Variants in LDB1 observed in about 807,000 individuals in gnomAD.
The protein encoded by LDB1 is LIM domain binding 1, also known as LIM domain-binding protein 1.
Under a neutral mutation model 49.7 loss-of-function variants are expected in LDB1, and 6 were observed. That is an observed-to-expected ratio of 0.12 (90% CI 0.07 to 0.24). The LOEUF (loss-of-function observed/expected upper bound fraction) is 0.24, where lower values mean the gene tolerates loss of function less well. Ranked by LOEUF, LDB1 falls within the 10% of genes least tolerant of loss-of-function variation. The pLI is 1.00. For synonymous variants in LDB1, 233 were observed against 202.0 expected (o/e 1.15, Z -1.30); for missense variants, 341 against 561.7 (o/e 0.61, Z 3.97).
At chr10:102,120,616 C>A (rs1030545935), upstream of LDB1, among the ~76,000 whole-genome samples, 1 of 151,772 alleles carries the variant, frequency 6.6e-6, no homozygotes, top group African/African-American at 2.4e-5. Flanking sequence ...GCGCGGCGGG[C>A]GGGCGGCGAG....
chr10:102,118,396 G>A (rs1403480057), intron 1 of LDB1, among the ~76,000 whole-genome samples: 1 of 152,018 alleles, frequency 6.6e-6, no homozygotes, highest in Non-Finnish European at 1.5e-5. Flanking sequence ...TGCCTTCTGG[G>A]GCATTGACTG....
downstream of LDB1, among the ~76,000 whole-genome samples, chr10:102,105,335 C>G (rs554083437): frequency 6.6e-6 from 1 of 152,244 alleles, no homozygotes; most frequent in African/African-American, 2.4e-5. Flanking sequence ...CAGCAGGGCA[C>G]GGCCAAGATA....
chr10:102,114,620 A>C, intron 1 of LDB1: 1 of 983,326 alleles, frequency 1.0e-6, no homozygotes. Context: ...CCCGGGGGAA[A>C]GTTACAATGG....
rs2786842 is a variant in LDB1, at chr10:102,113,710, G to A, written c.26-2174C>T. 3.3e-3 allele frequency among the ~76,000 whole-genome samples: 490 copies of A among 146,600 alleles called. 2 individuals carry two copies. Among genetic ancestry groups the A allele is most frequent in the African/African-American group, 0.011 (453 of 39,402 alleles). On this transcript the variant is annotated intron_variant, in intron 1 of 10. Coordinates refer to ENST00000673968, the MANE Select transcript of LDB1 (RefSeq NM_001113407.3). ...GGCCACTTGAAATGTGTTAGCTCAA[G>A]AACCTGAAGAGACAGGAGGCAGGAC...
At chr10:102,105,906 A>T (rs1371347977), downstream of LDB1, among the ~76,000 whole-genome samples, 4 of 152,006 alleles carry the variant, frequency 2.6e-5, no homozygotes, top group Admixed American at 1.3e-4. Flanking sequence ...GAACCCAGGA[A>T]GTGGAGGTTG....
rs1362056887 is a variant in LDB1, at chr10:102,107,922, TG to T, written c.*170del. On this transcript the variant is annotated 3_prime_UTR_variant, in exon 11 of 11. Transcript: ENST00000673968. ...GAGGCCAGGCCCAGCCCAGGGCCAC[TG>T]GGGGGGCAAATCTTGGCACCTGCCC... The T allele has an allele frequency of 9.1e-6, 6 of 662,088 alleles. No individual in the cohort carries two copies. The highest frequency in any genetic ancestry group is 3.7e-4 in the Middle Eastern group (1 of 2,708). 41.0% of individuals were successfully genotyped at this position (662,088 alleles called of 1,614,324 possible).
rs1304868294 is a variant in LDB1, at chr10:102,120,335, TGTGTGCGCGCGG to T, written c.-237_-226del. On this transcript the variant is annotated 5_prime_UTR_variant, in exon 1 of 11. Coordinates refer to ENST00000673968, the MANE Select transcript of LDB1 (RefSeq NM_001113407.3). ...GGCAGGAAGGCGAGCGGCCTCTGCG[TGTGTGCGCGCGG>T]GTGTGAGTCCGCGGAGTGTGTGTCC... The T allele has an allele frequency of 2.0e-6, 2 of 983,474 alleles. No individual in the cohort carries two copies. Among genetic ancestry groups the T allele is most frequent in the Non-Finnish European group, 2.4e-6 (2 of 829,458 alleles). The allele number at this position is 983,474 out of a possible 1,614,324, so 60.9% of individuals were successfully genotyped here. A position where few individuals can be genotyped will look rare whatever the true frequency, so the allele number is the denominator to read the frequency against.
At position 102,107,162 on chromosome 10, in the gene LDB1, C is replaced by T. The variant is rs2068175136; in HGVS notation, c.*931G>A. Among the ~76,000 whole-genome samples, 1 of 152,116 alleles carries T rather than the reference C, an allele frequency of 6.6e-6. No homozygotes were observed. Among genetic ancestry groups the T allele is most frequent in the South Asian group, 2.1e-4 (1 of 4,824 alleles). On this transcript the variant is annotated 3_prime_UTR_variant, in exon 11 of 11. Transcript: ENST00000673968. ...CCACGCTCCCTAAGGGAAGGAGCCT[C>T]CCCTCCCCGCATCCTAGACAGCTGC... is the stretch of plus-strand genomic sequence containing the variant.
At chr10:102,120,614 G>GGCGGGCGGCGAGGGGCTGGGA (rs2068407731), upstream of LDB1, among the ~76,000 whole-genome samples, 1 of 151,886 alleles carries the variant, frequency 6.6e-6, no homozygotes, top group African/African-American at 2.4e-5. Context: ...CCGCGCGGCG[G>GGCGGGCGGCGAGGGGCTGGGA]GCGGGCGGCG....
chr10:102,114,273 C>A (rs2133521015), intron 1 of LDB1: 2 of 929,242 alleles, frequency 2.2e-6, no homozygotes, highest in East Asian at 1.2e-4. Flanking sequence ...AGGGACTGGC[C>A]ACAGGTCAGC....
intron 1 of LDB1, chr10:102,114,488 G>A (rs1484187556): frequency 1.0e-6 from 1 of 986,134 alleles, no homozygotes; most frequent in Non-Finnish European, 1.2e-6. Context: ...AGGGCTGACG[G>A]GGGGACAACT....
chr10:102,110,212 G>T (rs181118630), intron 6 of LDB1, among the ~76,000 whole-genome samples, 169 bp from the exon 7 acceptor site: 307 of 151,982 alleles, frequency 2.0e-3, no homozygotes, highest in African/African-American at 5.4e-3. Context: ...CATATACCTG[G>T]CCCTTACACA....
intron 1 of LDB1, chr10:102,114,293 C>G: frequency 1.0e-6 from 1 of 976,290 alleles, no homozygotes; most frequent in Non-Finnish European, 1.2e-6. Flanking sequence ...CAGGCCTGAG[C>G]GCCCCGGCGG....
Position 102,106,973 on chromosome 10 carries a change from A to G in LDB1, c.*1120T>C, listed in dbSNP as rs570314709. ...CTGGTGGGCTTAGAACTGGGATGTC[A>G]TCTGTGGCTCCTTCCCCTCTATGAA... On this transcript the variant is annotated 3_prime_UTR_variant, in exon 11 of 11. Transcript: ENST00000673968. Among the ~76,000 whole-genome samples, 1 of 152,210 alleles carries G rather than the reference A, an allele frequency of 6.6e-6. No individual in the cohort carries two copies. Among genetic ancestry groups the G allele is most frequent in the East Asian group, 1.9e-4 (1 of 5,182 alleles).
rs373713531 is a variant in LDB1, at chr10:102,110,836, C to T, written c.352+33G>A. On this transcript the variant is annotated intron_variant, in intron 5 of 10. Transcript: ENST00000673968. ...ACCTTAGAACGACATAGGAGGTATA[C>T]ACCCTCATAGCAAGACCCCAGAGGC... 2.3e-5 allele frequency: 36 copies of T among 1,590,802 alleles called. No individual in the cohort carries two copies. The African/African-American group carries it at 4.0e-4, about 18-fold the overall frequency.
chr10:102,117,528 C>T lies in LDB1; in HGVS notation c.25+2558G>A, dbSNP rs2068349677. 6.6e-6 allele frequency among the ~76,000 whole-genome samples: 1 copy of T among 152,146 alleles called. No individual in the cohort carries two copies. Among genetic ancestry groups the T allele is most frequent in the African/African-American group, 2.4e-5 (1 of 41,432 alleles). On this transcript the variant is annotated intron_variant, in intron 1 of 10. Transcript: ENST00000673968. The surrounding 1 kb of genome is among the most constrained non-coding windows in gnomAD (Gnocchi z 4.2). ...CCCAGCCCACAGGATGAGGTACCAGCACTGCCCCCTGCCCGGGCCCCTGGG... is the reference window on the plus strand; with the variant it reads ...CCCAGCCCACAGGATGAGGTACCAGTACTGCCCCCTGCCCGGGCCCCTGGG...
upstream of LDB1, among the ~76,000 whole-genome samples, chr10:102,120,663 G>A (rs2068408616): frequency 6.6e-6 from 1 of 152,150 alleles, no homozygotes; most frequent in South Asian, 2.1e-4. Context: ...TGCATGTGAC[G>A]CAGCTTTTAA....
In LDB1 at chr10:102,108,333, G is replaced by A; in HGVS notation, c.1006-10C>T. 6.2e-7 allele frequency: 1 copy of A among 1,609,198 alleles called. No individual in the cohort carries two copies. Among genetic ancestry groups the A allele is most frequent in the South Asian group, 1.1e-5 (1 of 90,948 alleles). On this transcript the variant is annotated splice_polypyrimidine_tract_variant and intron_variant, in intron 10 of 10. Coordinates refer to ENST00000673968, the MANE Select transcript of LDB1 (RefSeq NM_001113407.3). Reference sequence around the variant, plus strand: ...CCACCACCATCACATCCTGAGAGTGGCGGAGGTCCCCAAACATAATCGGGG... The same window carrying A: ...CCACCACCATCACATCCTGAGAGTGACGGAGGTCCCCAAACATAATCGGGG...
intron 1 of LDB1, among the ~76,000 whole-genome samples, chr10:102,113,155 C>G (rs1590285982): frequency 6.6e-6 from 1 of 152,208 alleles, no homozygotes; most frequent in Non-Finnish European, 1.5e-5. Context: ...CCTGTGCCAA[C>G]ATGTGTCATT....
Sources: gnomAD v4.1 joint callset for allele counts (sites outside exome capture counted in the v4.1 genomes callset) on GRCh38, gnomAD v4.1.1 for gene constraint, Gnocchi (gnomAD v3.1) non-coding constraint, MANE v1.5 for transcripts, NCBI Gene and HGNC (gene_info 2026-07-23, HGNC 2026-07-21) for gene names.